DCLK3: variants seen among roughly 807,000 people sequenced by gnomAD.
DCLK3 encodes the protein doublecortin like kinase 3.
A neutral mutation model predicts 46.4 loss-of-function variants in DCLK3; 30 were observed. That is an observed-to-expected ratio of 0.65 (90% confidence interval 0.48 to 0.88). The LOEUF is 0.88. DCLK3 is among the 40% of genes least tolerant of loss of function. The pLI is 0.00. For synonymous variants in DCLK3, 401 were observed against 339.2 expected (o/e 1.18, Z -2.00); for missense variants, 846 against 907.1 (o/e 0.93, Z 0.87).
chr3:36,739,709 A>C (rs1701324047), intron 1 of DCLK3: 1 of 152,270 alleles, frequency 6.6e-6, no homozygotes, highest in Admixed American at 6.5e-5. Flanking sequence ...CTCTATAAGC[A>C]GCATGAAAAG....
intron 1 of DCLK3, among the ~76,000 whole-genome samples, chr3:36,758,376 A>G (rs1701507009): frequency 6.6e-6 from 1 of 152,196 alleles, no homozygotes; most frequent in African/African-American, 2.4e-5. Flanking sequence ...GAAAATTCAT[A>G]TGTTAAAACT....
At position 36,715,313 on chromosome 3, in the gene DCLK3, T is replaced by C. The variant is rs1290499885; in HGVS notation, c.*15A>G. On this transcript the variant is annotated 3_prime_UTR_variant, in exon 5 of 5. Transcript: ENST00000636136. ...TGAGCAGAACTGGGGGCTGGACAGA[T>C]TCCCAAGGTGGTGACTATGATACCT... is the stretch of plus-strand genomic sequence containing the variant. The C allele has an allele frequency of 1.9e-6, 3 of 1,613,796 alleles. No individual in the cohort carries two copies. The African/African-American group carries it at 4.0e-5, about 22-fold the overall frequency.
At chr3:36,719,923 G>A (rs373074179) in intron 3 of DCLK3, among the ~76,000 whole-genome samples, 18 of 152,152 alleles carry the variant, frequency 1.2e-4, no homozygotes, top group East Asian at 5.8e-4. Flanking sequence ...CCAGTTCATC[G>A]ATGCCACACC....
At chr3:36,727,312 A>C (rs533291859) in intron 2 of DCLK3, among the ~76,000 whole-genome samples, 44 of 152,156 alleles carry the variant, frequency 2.9e-4, no homozygotes, top group Admixed American at 8.5e-4. Context: ...TTAAAAACAA[A>C]TAAAGCATTT....
Position 36,740,696 on chromosome 3 carries a change from AAAG to A in DCLK3, c.83-1615_83-1613del, listed in dbSNP as rs1701335739. ...ATCCAGGTCAGGAAGAGAAATTGGA[AAAG>A]AACAGAAAGTATAACTCAGTTAAGC... On this transcript the variant is annotated intron_variant, in intron 1 of 4. Transcript: ENST00000636136. Among the ~76,000 whole-genome samples, 12 of 152,350 alleles carry A rather than the reference AAAG, an allele frequency of 7.9e-5. No individual in the cohort carries two copies. The South Asian group carries it at 2.5e-3, about 32-fold the overall frequency.
chr3:36,731,361 G>A (rs988796145), intron 2 of DCLK3, among the ~76,000 whole-genome samples: 1 of 151,770 alleles, frequency 6.6e-6, no homozygotes, highest in Non-Finnish European at 1.5e-5. Flanking sequence ...TAAAGATGCT[G>A]TCATATCTCC....
chr3:36,744,927 T>G (rs1314872539), intron 1 of DCLK3, among the ~76,000 whole-genome samples: 1 of 152,232 alleles, frequency 6.6e-6, no homozygotes, highest in Non-Finnish European at 1.5e-5. Flanking sequence ...ATAAACTCAG[T>G]AACTGCACCG....
At chr3:36,724,164 T>C (rs1474365495) in intron 2 of DCLK3, among the ~76,000 whole-genome samples, 1 of 152,194 alleles carries the variant, frequency 6.6e-6, no homozygotes, top group African/African-American at 2.4e-5. Flanking sequence ...ATTTCAGACT[T>C]TCATGGGGCC....
At chr3:36,750,366 G>C (rs1362456246) in intron 1 of DCLK3, among the ~76,000 whole-genome samples, 34 of 152,196 alleles carry the variant, frequency 2.2e-4, no homozygotes, top group Admixed American at 2.2e-3. Context: ...ACAGGCATGA[G>C]CCACCACACC....
intron 1 of DCLK3, among the ~76,000 whole-genome samples, chr3:36,763,541 T>A (rs930612046): frequency 6.6e-6 from 1 of 152,252 alleles, no homozygotes; most frequent in Non-Finnish European, 1.5e-5. Flanking sequence ...GTATCCTTTT[T>A]CCTAATCATC....
intron 2 of DCLK3, among the ~76,000 whole-genome samples, chr3:36,723,380 G>A (rs1701085432): frequency 6.6e-6 from 1 of 152,194 alleles, no homozygotes; most frequent in South Asian, 2.1e-4. Flanking sequence ...CATTTTCCAA[G>A]GATAAATTAA....
intron 1 of DCLK3, among the ~76,000 whole-genome samples, chr3:36,740,173 C>G (rs1345434572): frequency 6.6e-6 from 1 of 150,586 alleles, no homozygotes; most frequent in African/African-American, 2.4e-5. Flanking sequence ...CTACACCTCC[C>G]TCCCAGGGTT....
intron 2 of DCLK3, among the ~76,000 whole-genome samples, chr3:36,723,718 TG>T (rs1701090867): frequency 6.6e-6 from 1 of 152,150 alleles, no homozygotes; most frequent in Admixed American, 6.5e-5. Context: ...AGTCAAGAAT[TG>T]GGGTTTAGGA....
At chr3:36,731,542 CTCAG>C (rs1701199222) in intron 2 of DCLK3, among the ~76,000 whole-genome samples, 1 of 152,058 alleles carries the variant, frequency 6.6e-6, no homozygotes, top group African/African-American at 2.4e-5. Context: ...TCTATCCTAA[CTCAG>C]TCAGTCTCTT....
At position 36,721,673 on chromosome 3, in the gene DCLK3, A is replaced by G. The variant is rs774440801; in HGVS notation, c.1960-14T>C. On this transcript the variant is annotated splice_polypyrimidine_tract_variant and intron_variant, in intron 2 of 4. Coordinates refer to ENST00000636136, the MANE Select transcript of DCLK3 (RefSeq NM_001394672.2). The stretch of plus-strand genomic sequence containing the variant: ...ATTTCGCTGAACCTGTAAGAAACCA[A>G]AATCCCCAAACCACCAAAATTGTGA... The G allele has an allele frequency of 1.2e-5, 19 of 1,613,874 alleles. No individual in the cohort carries two copies. The African/African-American group carries it at 1.7e-4, about 15-fold the overall frequency.
rs1701288158 is a variant in DCLK3 at position 36,737,927 on chromosome 3, C to T, written c.1240G>A (p.Asp414Asn). The T allele has an allele frequency of 8.1e-6, 13 of 1,614,050 alleles. No individual in the cohort carries two copies. In the East Asian group the frequency reaches 1.8e-4, roughly 22 times the overall value. Reference protein sequence around the residue: ...HAQGAAKAKKDLVEVLPVTEE... With the variant: ...HAQGAAKAKKNLVEVLPVTEE... Reference sequence around the variant, plus strand: ...GTGACAGGAAGAACTTCCACAAGGTCCTTCTTGGCCTTGGCTGCTCCCTGA... The same window carrying T: ...GTGACAGGAAGAACTTCCACAAGGTTCTTCTTGGCCTTGGCTGCTCCCTGA... Residue 414 changes from aspartate (D) to asparagine (N), a missense_variant, in exon 2 of 5, where the codon GAC (aspartate) becomes AAC (asparagine). By Grantham distance (23) the Asp-to-Asn change is conservative. Around this residue, in one of 3 missense-constraint regions of DCLK3, gnomAD observed 553 missense variants for 543.0 expected, o/e 1.02. Coordinates refer to ENST00000636136, the MANE Select transcript of DCLK3 (RefSeq NM_001394672.2). This position sits in a 1 kb window ranked among gnomAD's most constrained non-coding sequence, Gnocchi z 4.4.
intron 1 of DCLK3, among the ~76,000 whole-genome samples, chr3:36,760,643 C>A (rs1344795546): frequency 2.1e-5 from 3 of 142,764 alleles, no homozygotes; most frequent in Non-Finnish European, 4.7e-5. Flanking sequence ...AAGAAAGAAA[C>A]AACATCTACA....
chr3:36,727,184 G>A (rs1701134209), intron 2 of DCLK3, among the ~76,000 whole-genome samples: 1 of 152,148 alleles, frequency 6.6e-6, no homozygotes, highest in African/African-American at 2.4e-5. Flanking sequence ...AGCTACTCAG[G>A]AGGCTGAGGC....
Position 36,737,845 on chromosome 3 carries a change from T to G in DCLK3, c.1322A>C (p.His441Pro). 1 of 1,614,004 alleles carries G rather than the reference T, an allele frequency of 6.2e-7. No homozygotes were observed. The highest frequency in any genetic ancestry group is 8.5e-7 in the Non-Finnish European group (1 of 1,180,034). The change falls in exon 2 of 5, where the codon CAT becomes CCT. Residue 441 changes from histidine to proline, a missense_variant. His to Pro is a moderately conservative substitution (Grantham distance 77). Around this residue, in one of 3 missense-constraint regions of DCLK3, gnomAD observed 553 missense variants for 543.0 expected, o/e 1.02. Transcript: ENST00000636136. This position sits in a 1 kb window ranked among gnomAD's most constrained non-coding sequence, Gnocchi z 4.4. ...KDTRPMSRSK[H>P]GGWLLREHQA... ...GTGCTCTCTCAGGAGCCAGCCACCA[T>G]GTTTGCTCCTGCTCATGGGCCTGGT...
Sources: gnomAD v4.1 joint callset for allele counts (sites outside exome capture counted in the v4.1 genomes callset) on GRCh38, gnomAD v4.1.1 for gene constraint, gnomAD v4.1.1 regional missense constraint, Gnocchi (gnomAD v3.1) non-coding constraint, MANE v1.5 for transcripts, NCBI Gene and HGNC (gene_info 2026-07-23, HGNC 2026-07-21) for gene names.